Variants in SLC16A9 observed in about 807,000 individuals in gnomAD.
The protein encoded by SLC16A9 is solute carrier family 16 member 9, also known as monocarboxylate transporter 9.
In SLC16A9, 26 loss-of-function variants were observed where a neutral mutation model predicts 44.3. The ratio of observed to expected loss-of-function variants is 0.59; its 90% CI spans 0.43 to 0.81. The LOEUF (loss-of-function observed/expected upper bound fraction) is 0.81, where lower values mean the gene tolerates loss of function less well. SLC16A9 is among the 40% of genes least tolerant of loss of function. SLC16A9 has a pLI of 0.00. For missense variants in SLC16A9, 559 were observed against 595.8 expected, an observed-to-expected ratio of 0.94 and a Z score of 0.64; for synonymous variants, 230 against 225.1, an observed-to-expected ratio of 1.02 and a Z score of -0.19.
intron 3 of SLC16A9, 112 bp from the exon 4 acceptor site, chr10:59,664,434 C>A (rs1839561120): frequency 1.6e-6 from 1 of 611,278 alleles, no homozygotes; most frequent in Admixed American, 3.0e-5. Flanking sequence ...CTGGCTAAAA[C>A]TGTTACAAGT....
chr10:59,702,821 C>G (rs1163285853), intron 1 of SLC16A9, among the ~76,000 whole-genome samples: 1 of 152,174 alleles, frequency 6.6e-6, no homozygotes, highest in Non-Finnish European at 1.5e-5. Flanking sequence ...AAGTCAAACA[C>G]TTAATTTATC....
chr10:59,667,194 C>T (rs1839639848), intron 3 of SLC16A9, among the ~76,000 whole-genome samples: 1 of 152,112 alleles, frequency 6.6e-6, no homozygotes, highest in South Asian at 2.1e-4. Flanking sequence ...TTCCTCATTG[C>T]AATTAATCCT....
chr10:59,662,190 G>A (rs1378689249), intron 4 of SLC16A9, among the ~76,000 whole-genome samples: 1 of 151,858 alleles, frequency 6.6e-6, no homozygotes, highest in Non-Finnish European at 1.5e-5. Context: ...TCATCAGAGT[G>A]AACAGGCAAC....
intron 2 of SLC16A9, among the ~76,000 whole-genome samples, chr10:59,680,735 C>A (rs1839967137): frequency 1.3e-5 from 2 of 152,062 alleles, no homozygotes; most frequent in African/African-American, 4.8e-5. Context: ...AATCCCAACA[C>A]TTTGGGAGGC....
rs1425410263 is a variant in SLC16A9 at position 59,651,202 on chromosome 10, G to A, written c.*1570C>T. The A allele has an allele frequency of 6.6e-6, 1 of 152,018 alleles. No homozygotes were observed. Among genetic ancestry groups the A allele is most frequent in the Non-Finnish European group, 1.5e-5 (1 of 68,004 alleles). 9.4% of individuals were successfully genotyped at this position (152,018 alleles called of 1,614,324 possible). ...AAGTACTATTTACCTACCTCACAGA[G>A]GTATTGTGAGGATTTGTGTTTATAA... On this transcript the variant is annotated 3_prime_UTR_variant, in exon 6 of 6. Transcript: ENST00000395348.
intron 1 of SLC16A9, among the ~76,000 whole-genome samples, chr10:59,706,630 T>TAC (rs60450481): frequency 0.011 from 1,622 of 146,016 alleles, 11 homozygotes; most frequent in South Asian, 0.031. Context: ...AGAAATGTGA[T>TAC]ACACACACAC....
chr10:59,703,854 G>A (rs1840580773), intron 1 of SLC16A9, among the ~76,000 whole-genome samples: 1 of 152,108 alleles, frequency 6.6e-6, no homozygotes, highest in East Asian at 1.9e-4. Flanking sequence ...AGGTAGCTGG[G>A]ACTACAGGTG....
intron 3 of SLC16A9, among the ~76,000 whole-genome samples, chr10:59,671,760 A>G (rs1417152286): frequency 6.6e-6 from 1 of 151,496 alleles, no homozygotes; most frequent in Non-Finnish European, 1.5e-5. Flanking sequence ...TGGACTACTG[A>G]GTGTCAGACT....
chr10:59,657,961 G>C (rs1351912484), intron 4 of SLC16A9, among the ~76,000 whole-genome samples: 1 of 152,050 alleles, frequency 6.6e-6, no homozygotes, highest in Non-Finnish European at 1.5e-5. Context: ...TCCCCTCTTT[G>C]GAATTCAAAC....
At chr10:59,683,449 C>A (rs537190976) in intron 2 of SLC16A9, among the ~76,000 whole-genome samples, 1 of 152,128 alleles carries the variant, frequency 6.6e-6, no homozygotes, top group African/African-American at 2.4e-5. Flanking sequence ...TGGAGACACA[C>A]AAAATATATC....
intron 1 of SLC16A9, among the ~76,000 whole-genome samples, chr10:59,691,026 AG>A (rs890389379): frequency 2.6e-5 from 4 of 152,240 alleles, no homozygotes; most frequent in Non-Finnish European, 5.9e-5. Flanking sequence ...CAGAGGTTGC[AG>A]TGAGCTGAGA....
In SLC16A9 at chr10:59,678,862, A is replaced by G. The variant is rs561790545; in HGVS notation, c.196+5234T>C. 2.6e-5 allele frequency among the ~76,000 whole-genome samples: 4 copies of G among 152,160 alleles called. No individual in the cohort carries two copies. The East Asian group carries it at 7.7e-4, about 29-fold the overall frequency. ...CCGGCCACCAATCTTAAAACTGCCT[A>G]GCACACTGGGAACCTGCCAATGCAA... On this transcript the variant is annotated intron_variant, in intron 2 of 5. Coordinates refer to ENST00000395348, the MANE Select transcript of SLC16A9 (RefSeq NM_194298.3).
At chr10:59,705,159 G>A (rs1840610521) in intron 1 of SLC16A9, among the ~76,000 whole-genome samples, 2 of 151,526 alleles carry the variant, frequency 1.3e-5, no homozygotes, top group Admixed American at 6.6e-5. Flanking sequence ...ATAAAAATAC[G>A]AGATCCCATG....
At chr10:59,703,622 CA>C (rs1273294037) in intron 1 of SLC16A9, among the ~76,000 whole-genome samples, 1 of 152,014 alleles carries the variant, frequency 6.6e-6, no homozygotes, top group African/African-American at 2.4e-5. Context: ...CCACTCAGGC[CA>C]AATCTGGCCA....
chr10:59,656,601 A>G (rs1839354011), intron 4 of SLC16A9, among the ~76,000 whole-genome samples: 1 of 152,158 alleles, frequency 6.6e-6, no homozygotes, highest in African/African-American at 2.4e-5. Flanking sequence ...TTTTTCCCCC[A>G]GGGTATTGAA....
intron 2 of SLC16A9, among the ~76,000 whole-genome samples, chr10:59,674,691 T>C (rs979792704): frequency 1.3e-5 from 2 of 152,212 alleles, no homozygotes; most frequent in South Asian, 2.1e-4. Flanking sequence ...CCAAACTACA[T>C]TGACATTGAG....
intron 3 of SLC16A9, among the ~76,000 whole-genome samples, chr10:59,670,553 C>A (rs1360653455): frequency 2.6e-5 from 4 of 152,208 alleles, no homozygotes; most frequent in African/African-American, 4.8e-5. Context: ...AGTGTCTGAT[C>A]TTTCCCTTGG....
intron 3 of SLC16A9, among the ~76,000 whole-genome samples, chr10:59,666,320 G>C (rs1053170122): frequency 2.0e-5 from 3 of 148,012 alleles, no homozygotes; most frequent in Non-Finnish European, 3.0e-5. Flanking sequence ...AAAAAGAAAA[G>C]AAAGCAAAAG....
chr10:59,701,829 C>T (rs1294328604), intron 1 of SLC16A9, among the ~76,000 whole-genome samples: 2 of 152,214 alleles, frequency 1.3e-5, no homozygotes, highest in East Asian at 3.8e-4. Context: ...GAATGCCTTT[C>T]TCCAATTCTA....
Sources: gnomAD v4.1 joint callset for allele counts (sites outside exome capture counted in the v4.1 genomes callset) on GRCh38, gnomAD v4.1.1 for gene constraint, MANE v1.5 for transcripts, NCBI Gene and HGNC (gene_info 2026-07-23, HGNC 2026-07-21) for gene names.